Variants in PACC1 observed in about 807,000 individuals in gnomAD.
PACC1 encodes proton activated chloride channel 1.
Under a neutral mutation model 39.7 loss-of-function variants are expected in PACC1, and 34 were observed. The observed-to-expected ratio is 0.86, with a 90% CI of 0.65 to 1.14. The LOEUF (loss-of-function observed/expected upper bound fraction) is 1.14. PACC1 is among the 50% of genes most tolerant of loss of function. The probability of loss-of-function intolerance (pLI) is 0.00; values close to 1 mark genes in which losing one functional copy is unlikely to be tolerated. For synonymous variants in PACC1, 127 were observed against 160.6 expected (o/e 0.79, Z 1.58); for missense variants, 379 against 436.4 (o/e 0.87, Z 1.17).
At chr1:212,400,619 T>TA (rs551343413) in intron 2 of PACC1, among the ~76,000 whole-genome samples, 41 of 148,398 alleles carry the variant, frequency 2.8e-4, no homozygotes, top group South Asian at 6.4e-4. Flanking sequence ...TACTTTATCA[T>TA]AAAAAAAAAA....
intron 2 of PACC1, among the ~76,000 whole-genome samples, chr1:212,401,888 T>G (rs2102530292): frequency 6.6e-6 from 1 of 152,196 alleles, no homozygotes; most frequent in African/African-American, 2.4e-5. Context: ...TTGGTCAGAC[T>G]GGTCTTGAAC....
chr1:212,414,133 G>A, intron 1 of PACC1: 3 of 1,473,186 alleles, frequency 2.0e-6, no homozygotes, highest in South Asian at 1.3e-5. Context: ...TAAAGTCGTG[G>A]GAGGAGGTGA....
chr1:212,382,613 G>C (rs1660945506), intron 4 of PACC1, among the ~76,000 whole-genome samples: 1 of 152,198 alleles, frequency 6.6e-6, no homozygotes. Context: ...ACATGAACTT[G>C]ATTAGATGCG....
chr1:212,374,002 C>G (rs1032181860), intron 7 of PACC1, among the ~76,000 whole-genome samples: 21 of 150,020 alleles, frequency 1.4e-4, no homozygotes, highest in African/African-American at 5.2e-4. Context: ...ATCCAGCAAT[C>G]TCATTGCTGG....
intron 1 of PACC1, chr1:212,413,856 G>C: frequency 6.6e-7 from 1 of 1,511,732 alleles, no homozygotes; most frequent in Non-Finnish European, 8.8e-7. Context: ...CGCACTCAGA[G>C]GTTACAGCAA....
chr1:212,414,639 AC>A, intron 1 of PACC1, 82 bp downstream of exon 1: 2 of 1,415,898 alleles, frequency 1.4e-6, no homozygotes, highest in African/African-American at 1.5e-5. Flanking sequence ...CAGCCCCGAC[AC>A]CCCCCGCCCC....
rs1662079496 is a variant in PACC1, at chr1:212,410,411, C to T, written c.133+14G>A. 6.2e-7 allele frequency: 1 copy of T among 1,613,036 alleles called. No homozygotes were observed. Among genetic ancestry groups the T allele is most frequent in the Non-Finnish European group, 8.5e-7 (1 of 1,179,134 alleles). On this transcript the variant is annotated intron_variant, in intron 2 of 7. Transcript: ENST00000261455. ...GCTGCAGCAACAGCACAGCAAAGCA[C>T]CAAACGCACTCACCTGGTAAGATAC...
At chr1:212,408,761 G>A (rs1558183931) in intron 2 of PACC1, among the ~76,000 whole-genome samples, 1 of 152,240 alleles carries the variant, frequency 6.6e-6, no homozygotes, top group Admixed American at 6.5e-5. Flanking sequence ...AGAAGTTGAA[G>A]TCAGGCTGGG....
intron 2 of PACC1, chr1:212,410,149 AG>A (rs1402908935): frequency 2.6e-6 from 1 of 380,842 alleles, no homozygotes; most frequent in Non-Finnish European, 4.9e-6. Flanking sequence ...CCAGGGAAAG[AG>A]GAACAGAAGA....
intron 2 of PACC1, among the ~76,000 whole-genome samples, chr1:212,395,221 A>G (rs2102517796): frequency 6.6e-6 from 1 of 152,348 alleles, no homozygotes; most frequent in South Asian, 2.1e-4. Flanking sequence ...ACAGCATGGT[A>G]CTGGTACCAA....
chr1:212,410,567 C>T, intron 1 of PACC1, 46 bp from the exon 2 acceptor site: 8 of 1,551,020 alleles, frequency 5.2e-6, no homozygotes, highest in Non-Finnish European at 7.1e-6. Flanking sequence ...GCTATGTCAG[C>T]CTTGCTTTTC....
chr1:212,398,786 C>T (rs527754760), intron 2 of PACC1, among the ~76,000 whole-genome samples: 1 of 152,364 alleles, frequency 6.6e-6, no homozygotes, highest in East Asian at 1.9e-4. Flanking sequence ...CTTGACCCTG[C>T]TCCACTTTAC....
In PACC1 at chr1:212,410,440, G is replaced by T; in HGVS notation, c.118C>A (p.Pro40Thr). 1 of 1,614,150 alleles carries T rather than the reference G, an allele frequency of 6.2e-7. No homozygotes were observed. Among genetic ancestry groups the T allele is most frequent in the Non-Finnish European group, 8.5e-7 (1 of 1,180,002 alleles). The change falls in exon 2 of 8, where the codon CCG (proline) becomes ACG (threonine). Residue 40 changes from proline (P) to threonine (T), a missense_variant. Physicochemically the swap from Pro to Thr is conservative, Grantham distance 38 (BLOSUM62 -1). Transcript: ENST00000261455. Reference sequence around the variant, plus strand: ...ACGCACTCACCTGGTAAGATACCCGGACCTTGGACTCTGACCGTCTCCTTG... The same window carrying T: ...ACGCACTCACCTGGTAAGATACCCGTACCTTGGACTCTGACCGTCTCCTTG... The part of the protein sequence containing the change: ...QDKETVRVQG[P>T]GILPGLDSES...
chr1:212,411,191 G>A (rs1230089868), intron 1 of PACC1, among the ~76,000 whole-genome samples: 1 of 152,180 alleles, frequency 6.6e-6, no homozygotes, highest in Non-Finnish European at 1.5e-5. Context: ...TAAAGCCAGG[G>A]AAAGATATGG....
intron 7 of PACC1, among the ~76,000 whole-genome samples, chr1:212,373,639 A>T (rs1036245794): frequency 1.3e-5 from 2 of 152,198 alleles, no homozygotes; most frequent in Non-Finnish European, 2.9e-5. Flanking sequence ...AGGAACTCAA[A>T]CAACTCAATA....
Position 212,365,357 on chromosome 1 carries a change from C to T in PACC1, c.911G>A (p.Trp304Ter). ...KVQDIVTANPWNTIALLCGAF... is the reference protein window; with the variant it reads ...KVQDIVTANP Reference sequence around the variant, plus strand: ...GCCACAGAGAAGAGCAATTGTGTTCCAAGGATTGGCAGTGACTATCTGTGA... The same window carrying T: ...GCCACAGAGAAGAGCAATTGTGTTCTAAGGATTGGCAGTGACTATCTGTGA... The change falls in exon 8 of 8, where the codon TGG becomes TAG. Residue 304 changes from tryptophan (W) to a stop codon, truncating the protein, a stop_gained. Coordinates refer to ENST00000261455, the MANE Select transcript of PACC1 (RefSeq NM_018252.3). LOFTEE classifies it high-confidence loss of function. The T allele has an allele frequency of 6.2e-7, 1 of 1,610,056 alleles. No individual in the cohort carries two copies. Among genetic ancestry groups the T allele is most frequent in the Non-Finnish European group, 8.5e-7 (1 of 1,178,452 alleles).
intron 2 of PACC1, among the ~76,000 whole-genome samples, chr1:212,408,372 T>G (rs556952509): frequency 6.6e-6 from 1 of 152,050 alleles, no homozygotes; most frequent in South Asian, 2.1e-4. Flanking sequence ...TTTTATTTTT[T>G]TTTTTGAGGC....
chr1:212,387,452 G>T (rs1400541660), intron 2 of PACC1, among the ~76,000 whole-genome samples: 1 of 152,116 alleles, frequency 6.6e-6, no homozygotes, highest in African/African-American at 2.4e-5. Context: ...AGAGGGATAG[G>T]CAGTTACAAT....
At chr1:212,398,700 A>G (rs1362217210) in intron 2 of PACC1, among the ~76,000 whole-genome samples, 1 of 152,156 alleles carries the variant, frequency 6.6e-6, no homozygotes, top group Non-Finnish European at 1.5e-5. Flanking sequence ...TTTTGCCTCT[A>G]CCTATTGCTA....
Sources: allele counts gnomAD v4.1 joint callset (sites outside exome capture counted in the v4.1 genomes callset), GRCh38; gene constraint gnomAD v4.1.1; transcripts MANE v1.5; gene names NCBI Gene and HGNC (gene_info 2026-07-23, HGNC 2026-07-21).